DLGAP1: variants seen among roughly 807,000 people sequenced by gnomAD.
The protein encoded by DLGAP1 is disks large-associated protein 1.
DLGAP1 carries 11 observed loss-of-function variants against 90.8 expected under a neutral mutation model. The ratio of observed to expected loss-of-function variants is 0.12; its 90% CI spans 0.08 to 0.20. The LOEUF is 0.20. Ranked by LOEUF, DLGAP1 falls within the 10% of genes least tolerant of loss-of-function variation. DLGAP1 has a pLI of 1.00. For synonymous variants in DLGAP1, 558 were observed against 540.7 expected (o/e 1.03, Z -0.44); for missense variants, 1,050 against 1,333.8 (o/e 0.79, Z 3.31).
intron 3 of DLGAP1, among the ~76,000 whole-genome samples, chr18:3,981,900 T>G (rs1482065967): frequency 2.6e-5 from 4 of 152,220 alleles, no homozygotes; most frequent in Non-Finnish European, 5.9e-5. Flanking sequence ...CAACACATAC[T>G]TTTCATTGCT....
Position 3,567,497 on chromosome 18 carries a change from C to T in DLGAP1, c.2050G>A (p.Glu684Lys), listed in dbSNP as rs2054504526. 2.5e-6 allele frequency: 4 copies of T among 1,613,742 alleles called. No homozygotes were observed. Among genetic ancestry groups the T allele is most frequent in the Non-Finnish European group, 3.4e-6 (4 of 1,179,850 alleles). The change falls in exon 9 of 13, where the codon GAG becomes AAG. Residue 684 changes from glutamate (E) to lysine (K), a missense_variant. Glu to Lys is a moderately conservative substitution (Grantham distance 56). Around this residue, in one of 2 missense-constraint regions of DLGAP1, gnomAD observed 565 missense variants for 879.7 expected, o/e 0.64. Transcript: ENST00000315677. Reference protein sequence around the residue: ...FQSVGVQVEEEKCFRRFTRSN... With the variant: ...FQSVGVQVEEKKCFRRFTRSN... Reference sequence around the variant, plus strand: ...GCGTGCATGTGGACTTACCACTTCTCTTCTTCTACTTGCACTCCCACGGAC... The same window carrying T: ...GCGTGCATGTGGACTTACCACTTCTTTTCTTCTACTTGCACTCCCACGGAC...
intron 1 of DLGAP1, among the ~76,000 whole-genome samples, chr18:4,234,475 C>T (rs867740154): frequency 6.6e-6 from 1 of 152,068 alleles, no homozygotes; most frequent in Non-Finnish European, 1.5e-5. Context: ...ATGCACCCAG[C>T]CAATTTAATT....
intron 2 of DLGAP1, among the ~76,000 whole-genome samples, chr18:4,085,198 T>C (rs965783882): frequency 1.1e-4 from 17 of 152,214 alleles, no homozygotes; most frequent in African/African-American, 3.9e-4. Context: ...CAGAATCTAA[T>C]TGTCAGCCTT....
rs545024631 is a variant in DLGAP1, at chr18:3,684,218, C to T, written c.1591+44917G>A. On this transcript the variant is annotated intron_variant, in intron 7 of 12. Coordinates refer to ENST00000315677, the MANE Select transcript of DLGAP1 (RefSeq NM_004746.4). ...TTTCCTTTTCTTTTTGAGACAAGGT[C>T]TCACTCTGTCCCCCAGGAGGGAGTG... is the stretch of plus-strand genomic sequence containing the variant. 5.3e-5 allele frequency among the ~76,000 whole-genome samples: 8 copies of T among 151,354 alleles called. No individual in the cohort carries two copies. The South Asian group carries it at 1.5e-3, about 28-fold the overall frequency.
At chr18:3,717,384 G>A (rs1262814038) in intron 7 of DLGAP1, among the ~76,000 whole-genome samples, 1 of 152,118 alleles carries the variant, frequency 6.6e-6, no homozygotes, top group Non-Finnish European at 1.5e-5. Context: ...TCACCTCCAC[G>A]GGGCTTTGGA....
chr18:4,219,786 C>A (rs981759546), intron 1 of DLGAP1, among the ~76,000 whole-genome samples: 1 of 152,058 alleles, frequency 6.6e-6, no homozygotes, highest in Non-Finnish European at 1.5e-5. Context: ...AATGAATTGA[C>A]TATAAATGGC....
intron 1 of DLGAP1, among the ~76,000 whole-genome samples, chr18:4,381,033 C>A (rs1339096861): frequency 1.3e-5 from 2 of 152,186 alleles, no homozygotes; most frequent in South Asian, 2.1e-4. Context: ...TTCCAACCAA[C>A]CATCATTAAT....
intron 1 of DLGAP1, among the ~76,000 whole-genome samples, chr18:4,353,611 C>A (rs2081444159): frequency 6.6e-6 from 1 of 151,862 alleles, no homozygotes; most frequent in Non-Finnish European, 1.5e-5. Flanking sequence ...ACTTTTCAGA[C>A]TGAGAAGGAA....
At chr18:3,502,321 C>A in intron 12 of DLGAP1, 172 bp downstream of exon 12, 2 of 1,372,986 alleles carry the variant, frequency 1.5e-6, no homozygotes, top group Non-Finnish European at 1.9e-6. Flanking sequence ...AAACATATTA[C>A]AGATAATATC....
intron 1 of DLGAP1, among the ~76,000 whole-genome samples, chr18:4,189,350 G>A (rs1201942705): frequency 6.6e-6 from 1 of 152,032 alleles, no homozygotes; most frequent in Non-Finnish European, 1.5e-5. Flanking sequence ...AAGAACAGTT[G>A]TAGCTTAAAA....
chr18:4,159,310 C>T (rs1335288812), intron 1 of DLGAP1, among the ~76,000 whole-genome samples: 3 of 152,144 alleles, frequency 2.0e-5, no homozygotes, highest in Admixed American at 1.3e-4. Flanking sequence ...AAGTCAGTGC[C>T]CTTCATGATC....
At chr18:3,931,387 C>T (rs962553522) in intron 3 of DLGAP1, among the ~76,000 whole-genome samples, 4 of 152,148 alleles carry the variant, frequency 2.6e-5, no homozygotes, top group Non-Finnish European at 4.4e-5. Flanking sequence ...GAGGAATCAC[C>T]TGCTTCCTCT....
chr18:3,978,159 G>A, intron 3 of DLGAP1: 1 of 447,454 alleles, frequency 2.2e-6, no homozygotes, highest in Non-Finnish European at 4.4e-6. Context: ...GGCTGGTGGG[G>A]GGCAAAGCCC....
intron 9 of DLGAP1, among the ~76,000 whole-genome samples, chr18:3,546,237 A>G (rs2053006033): frequency 6.6e-6 from 1 of 152,114 alleles, no homozygotes; most frequent in Non-Finnish European, 1.5e-5. Flanking sequence ...AGTCTGGGCA[A>G]CATGGTGAAA....
chr18:3,932,490 G>C (rs1043008456), intron 3 of DLGAP1, among the ~76,000 whole-genome samples: 3 of 151,994 alleles, frequency 2.0e-5, no homozygotes, highest in African/African-American at 4.8e-5. Flanking sequence ...AAATACCCTT[G>C]CGGGGGAGCC....
At chr18:3,956,146 G>A (rs1167653288) in intron 3 of DLGAP1, among the ~76,000 whole-genome samples, 1 of 152,104 alleles carries the variant, frequency 6.6e-6, no homozygotes, top group East Asian at 1.9e-4. Context: ...TAAAGGCAGC[G>A]ATAAAGATAA....
intron 1 of DLGAP1, among the ~76,000 whole-genome samples, chr18:4,402,846 TTA>T (rs1422089471): frequency 2.0e-5 from 3 of 152,188 alleles, no homozygotes; most frequent in African/African-American, 7.2e-5. Flanking sequence ...CCCAAAGCAA[TTA>T]TTTGGAATGC....
chr18:4,157,004 T>A (rs1359382717), intron 1 of DLGAP1, among the ~76,000 whole-genome samples: 1 of 152,214 alleles, frequency 6.6e-6, no homozygotes, highest in Non-Finnish European at 1.5e-5. Flanking sequence ...GTTTCTTGAT[T>A]TATAAATGCC....
At chr18:4,426,258 G>T (rs1355781031) in intron 1 of DLGAP1, among the ~76,000 whole-genome samples, 1 of 152,152 alleles carries the variant, frequency 6.6e-6, no homozygotes, top group Admixed American at 6.5e-5. Flanking sequence ...TAGAAAATCA[G>T]TATGGCCTGA....
Sources: gnomAD v4.1 joint callset for allele counts (sites outside exome capture counted in the v4.1 genomes callset) on GRCh38, gnomAD v4.1.1 for gene constraint, gnomAD v4.1.1 regional missense constraint, MANE v1.5 for transcripts, NCBI Gene and HGNC (gene_info 2026-07-23, HGNC 2026-07-21) for gene names.